ARHGAP24: variants seen among roughly 807,000 people sequenced by gnomAD.
The protein encoded by ARHGAP24 is rho GTPase-activating protein 24.
A neutral mutation model predicts 76.4 loss-of-function variants in ARHGAP24; 50 were observed. That is an observed-to-expected ratio of 0.65 (90% CI 0.52 to 0.83). The LOEUF is 0.83. Ranked by LOEUF, ARHGAP24 falls within the 40% of genes least tolerant of loss-of-function variation. The pLI is 0.00. For synonymous variants in ARHGAP24, 345 were observed against 323.3 expected (o/e 1.07, Z -0.72); for missense variants, 930 against 914.2 (o/e 1.02, Z -0.22).
At chr4:85,684,254 A>G (rs1723339535) in intron 2 of ARHGAP24, among the ~76,000 whole-genome samples, 3 of 152,182 alleles carry the variant, frequency 2.0e-5, no homozygotes, top group South Asian at 2.1e-4. Context: ...ATCTTTGTCA[A>G]CACTTGTTAT....
chr4:85,843,544 A>G (rs1166723771), intron 3 of ARHGAP24, among the ~76,000 whole-genome samples: 2 of 152,010 alleles, frequency 1.3e-5, no homozygotes, highest in African/African-American at 4.8e-5. Context: ...GAATTTGTAT[A>G]AATTCATGAG....
chr4:85,522,611 C>A lies in ARHGAP24; in HGVS notation c.-21+47052C>A, dbSNP rs112359899. Among the ~76,000 whole-genome samples the A allele has an allele frequency of 9.7e-3, 1,481 of 152,216 alleles. 13 individuals carry two copies. The highest frequency in any genetic ancestry group is 0.019 in the East Asian group (96 of 5,178). On this transcript the variant is annotated intron_variant, in intron 1 of 9. Coordinates refer to ENST00000395184, the MANE Select transcript of ARHGAP24 (RefSeq NM_001025616.3). ...TTATAAAGAATTATCCATAAATATCCCAACTATCTAACTAGGTTGATAGTC... is the reference window on the plus strand; with the variant it reads ...TTATAAAGAATTATCCATAAATATCACAACTATCTAACTAGGTTGATAGTC...
intron 3 of ARHGAP24, among the ~76,000 whole-genome samples, chr4:85,866,956 C>A (rs1732233585): frequency 1.3e-5 from 2 of 152,076 alleles, no homozygotes. Context: ...TTTCATTAAA[C>A]CCTCCATGAG....
intron 2 of ARHGAP24, among the ~76,000 whole-genome samples, chr4:85,685,022 T>C (rs915191948): frequency 6.6e-6 from 1 of 152,198 alleles, no homozygotes; most frequent in African/African-American, 2.4e-5. Flanking sequence ...CTGGAGAAAC[T>C]AGGAATAAGA....
chr4:85,597,529 A>T (rs2109985586), intron 2 of ARHGAP24, among the ~76,000 whole-genome samples: 1 of 152,080 alleles, frequency 6.6e-6, no homozygotes, highest in South Asian at 2.1e-4. Flanking sequence ...TGTGTTTGGG[A>T]CCTTTATTCT....
intron 4 of ARHGAP24, among the ~76,000 whole-genome samples, chr4:85,926,941 T>C (rs1015070013): frequency 6.6e-5 from 10 of 152,170 alleles, no homozygotes; most frequent in African/African-American, 2.2e-4. Flanking sequence ...GTCCATGCCT[T>C]ATTGATCGTA....
At position 85,602,732 on chromosome 4, in the gene ARHGAP24, A is replaced by C. The variant is rs2109989285; in HGVS notation, c.180+32011A>C. Reference sequence around the variant, plus strand: ...TCATACTTAATTCTCAGTGGTTTTAATTCAGCTGAGTTGGAGAATCAAACA... The same window carrying C: ...TCATACTTAATTCTCAGTGGTTTTACTTCAGCTGAGTTGGAGAATCAAACA... On this transcript the variant is annotated intron_variant, in intron 2 of 9. Coordinates refer to ENST00000395184, the MANE Select transcript of ARHGAP24 (RefSeq NM_001025616.3). 2.0e-5 allele frequency among the ~76,000 whole-genome samples: 3 copies of C among 152,314 alleles called. No homozygotes were observed. In the Middle Eastern group the frequency reaches 0.01, roughly 518 times the overall value.
intron 4 of ARHGAP24, chr4:85,930,439 G>C: frequency 1.0e-6 from 1 of 986,580 alleles, no homozygotes; most frequent in Non-Finnish European, 1.2e-6. Context: ...CAGATGAAAG[G>C]AGCCAGCAAG....
intron 3 of ARHGAP24, among the ~76,000 whole-genome samples, chr4:85,766,269 GAGA>G (rs1333039917): frequency 6.6e-6 from 1 of 152,068 alleles, no homozygotes; most frequent in Non-Finnish European, 1.5e-5. Context: ...AGAAAAGATA[GAGA>G]AGGAGACAAT....
intron 3 of ARHGAP24, among the ~76,000 whole-genome samples, chr4:85,911,308 C>T (rs1735065750): frequency 6.6e-6 from 1 of 152,144 alleles, no homozygotes; most frequent in Admixed American, 6.5e-5. Context: ...GCAGCTCTGG[C>T]AGTGCCTCCC....
At chr4:85,563,037 A>G (rs1326881501) in intron 1 of ARHGAP24, among the ~76,000 whole-genome samples, 2 of 152,180 alleles carry the variant, frequency 1.3e-5, no homozygotes. Context: ...AAGGGAAGTG[A>G]GGGAAGCAGG....
At chr4:85,801,415 T>A (rs938980868) in intron 3 of ARHGAP24, among the ~76,000 whole-genome samples, 1 of 152,246 alleles carries the variant, frequency 6.6e-6, no homozygotes, top group African/African-American at 2.4e-5. Context: ...TTAAATATTA[T>A]ATAACATTTT....
intron 3 of ARHGAP24, among the ~76,000 whole-genome samples, chr4:85,738,008 C>T (rs1267908216): frequency 2.0e-5 from 3 of 151,800 alleles, no homozygotes; most frequent in Non-Finnish European, 4.4e-5. Context: ...GCAACCTCCA[C>T]CTCCCAGGTT....
intron 1 of ARHGAP24, among the ~76,000 whole-genome samples, chr4:85,547,024 C>G (rs1185880875): frequency 6.6e-6 from 1 of 152,146 alleles, no homozygotes; most frequent in African/African-American, 2.4e-5. Flanking sequence ...AGTACAATTT[C>G]TGTCATAACT....
intron 2 of ARHGAP24, among the ~76,000 whole-genome samples, chr4:85,602,842 G>T (rs900108224): frequency 6.6e-6 from 1 of 152,098 alleles, no homozygotes; most frequent in South Asian, 2.1e-4. Flanking sequence ...TTGATGAAAA[G>T]CAATTTCAGT....
At chr4:85,487,807 AC>A (rs1723174146) in intron 1 of ARHGAP24, among the ~76,000 whole-genome samples, 2 of 114,132 alleles carry the variant, frequency 1.8e-5, no homozygotes, top group Non-Finnish European at 3.3e-5. Flanking sequence ...TATATTTATT[AC>A]ATATTATATA....
chr4:85,923,599 A>G, intron 3 of ARHGAP24, 49 bp from the exon 4 acceptor site: 1 of 1,611,868 alleles, frequency 6.2e-7, no homozygotes. Flanking sequence ...GCTGATCATG[A>G]GGAATCTCTG....
At chr4:85,802,412 C>T (rs991783437) in intron 3 of ARHGAP24, among the ~76,000 whole-genome samples, 8 of 152,184 alleles carry the variant, frequency 5.3e-5, no homozygotes, top group African/African-American at 1.9e-4. Flanking sequence ...GAAAGCAGAA[C>T]ACTTGTGACT....
In ARHGAP24 at chr4:85,697,019, T is replaced by C. The variant is rs566501456; in HGVS notation, c.181-24866T>C. 6.0e-4 allele frequency among the ~76,000 whole-genome samples: 92 copies of C among 152,304 alleles called. No homozygotes were observed. The Middle Eastern group carries it at 0.014, about 23-fold the overall frequency. On this transcript the variant is annotated intron_variant, in intron 2 of 9. Coordinates refer to ENST00000395184, the MANE Select transcript of ARHGAP24 (RefSeq NM_001025616.3). The stretch of plus-strand genomic sequence containing the variant: ...AGCAATAATATCGGAGGATAATGAA[T>C]GTGCCACAGTTGAAACTATAAGAAA...
Sources: allele counts gnomAD v4.1 joint callset (sites outside exome capture counted in the v4.1 genomes callset), GRCh38; gene constraint gnomAD v4.1.1; transcripts MANE v1.5; gene names NCBI Gene and HGNC (gene_info 2026-07-23, HGNC 2026-07-21).